ACTG2: variants seen among roughly 807,000 people sequenced by gnomAD.
ACTG2 encodes the protein actin, gamma-enteric smooth muscle.
A neutral mutation model predicts 37.6 loss-of-function variants in ACTG2; 16 were observed. The observed-to-expected ratio is 0.43, with a 90% CI of 0.29 to 0.65. The LOEUF (loss-of-function observed/expected upper bound fraction) is 0.65, where lower values mean the gene tolerates loss of function less well. Among genes scored for constraint, ACTG2 ranks in the 30% least tolerant of loss-of-function variants. ACTG2 has a pLI of 0.18. For missense variants in ACTG2, 238 were observed against 490.9 expected (o/e 0.48, Z 4.87); for synonymous variants, 181 against 179.9 (o/e 1.01, Z -0.05).
chr2:73,908,686 CCTT>C lies in ACTG2; in HGVS notation c.272_274del (p.Phe91del). ...TGTCTCCACTAGATCTGGCACCACTCCTTCTACAATGAGCTGCGTGTAGCACCT... is the reference window on the plus strand; with the variant it reads ...TGTCTCCACTAGATCTGGCACCACTCCTACAATGAGCTGCGTGTAGCACCT... On this transcript the variant is annotated inframe_deletion, in exon 4 of 9. Transcript: ENST00000345517. 1 of 1,606,970 alleles carries C rather than the reference CCTT, an allele frequency of 6.2e-7. No homozygotes were observed. The highest frequency in any genetic ancestry group is 8.5e-7 in the Non-Finnish European group (1 of 1,176,854).
chr2:73,902,962 A>C, intron 3 of ACTG2: 1 of 572,008 alleles, frequency 1.7e-6, no homozygotes, highest in Non-Finnish European at 3.0e-6. Flanking sequence ...AGAGAGGCAA[A>C]CAGCCATCTC....
Position 73,913,510 on chromosome 2 carries a change from C to T in ACTG2, c.477C>T (p.Gly159=), listed in dbSNP as rs751224190. Residue 159 remains glycine, a synonymous_variant, in exon 6 of 9, where the codon GGC becomes GGT. Transcript: ENST00000345517. The part of the protein sequence containing the change: ...TTGIVLDSGD[G]VTHNVPIYEG... ...GCATCGTCCTGGATTCAGGTGATGG[C>T]GTCACCCACAATGTCCCCATCTATG... 16 of 1,610,880 alleles carry T rather than the reference C, an allele frequency of 9.9e-6. No individual in the cohort carries two copies. Among genetic ancestry groups the T allele is most frequent in the East Asian group, 2.2e-5 (1 of 44,768 alleles).
At chr2:73,915,519 CAA>C (rs11404848) in intron 7 of ACTG2, among the ~76,000 whole-genome samples, 31 of 117,550 alleles carry the variant, frequency 2.6e-4, no homozygotes, top group African/African-American at 6.4e-4. Context: ...GATTCTGTCT[CAA>C]AAAAAAAAAA....
chr2:73,916,100 G>A (rs762130205), intron 7 of ACTG2, among the ~76,000 whole-genome samples: 21 of 152,072 alleles, frequency 1.4e-4, no homozygotes, highest in African/African-American at 2.9e-4. Context: ...AGATCAGGCC[G>A]GGTGTAATAC....
chr2:73,899,788 G>A (rs1458887737), intron 1 of ACTG2, among the ~76,000 whole-genome samples: 7 of 152,142 alleles, frequency 4.6e-5, no homozygotes. Context: ...CTTGTGGGCT[G>A]GTTTAGAGAG....
intron 6 of ACTG2, among the ~76,000 whole-genome samples, 170 bp downstream of exon 6, chr2:73,913,816 T>C (rs952871732): frequency 6.6e-6 from 1 of 152,208 alleles, no homozygotes; most frequent in African/African-American, 2.4e-5. Flanking sequence ...CAGATAGTCA[T>C]GGAAGCAGTC....
intron 1 of ACTG2, among the ~76,000 whole-genome samples, chr2:73,899,991 C>G (rs115501680): frequency 6.6e-6 from 1 of 152,212 alleles, no homozygotes; most frequent in Admixed American, 6.5e-5. Flanking sequence ...TCAGACCTCG[C>G]GTTCTCAGGC....
At position 73,918,269 on chromosome 2, in the gene ACTG2, G is replaced by A. The variant is rs75594390; in HGVS notation, c.988-1163G>A. ...AAGGACACAGAAGAACAGATTTGGG[G>A]TGGGGGTAGGGCTTATATTTAGGAC... On this transcript the variant is annotated intron_variant, in intron 8 of 8. Transcript: ENST00000345517. Among the ~76,000 whole-genome samples the A allele has an allele frequency of 1.6e-4, 24 of 152,258 alleles. No individual in the cohort carries two copies. In the East Asian group the frequency reaches 4.6e-3, roughly 29 times the overall value.
intron 3 of ACTG2, chr2:73,902,966 C>T: frequency 1.8e-6 from 1 of 559,000 alleles, no homozygotes; most frequent in South Asian, 2.2e-5. Context: ...AGGCAAACAG[C>T]CATCTCTCTC....
chr2:73,901,148 A>C (rs1271759467), intron 1 of ACTG2, 128 bp from the exon 2 acceptor site: 1 of 723,042 alleles, frequency 1.4e-6, no homozygotes, highest in South Asian at 2.8e-5. Context: ...GTGGGAGGCC[A>C]AGCCCATGCC....
intron 1 of ACTG2, among the ~76,000 whole-genome samples, chr2:73,895,169 G>A (rs1224002170): frequency 6.6e-6 from 1 of 152,048 alleles, no homozygotes; most frequent in Non-Finnish European, 1.5e-5. Flanking sequence ...GAGCAGTCCT[G>A]GAGGTGTGGA....
chr2:73,918,417 CTT>C (rs1384474205), intron 8 of ACTG2, among the ~76,000 whole-genome samples: 3 of 152,192 alleles, frequency 2.0e-5, no homozygotes, highest in African/African-American at 7.2e-5. Context: ...ATTTGTGTGA[CTT>C]TTGTCTGCCT....
At chr2:73,911,605 C>A (rs1358828212) in intron 5 of ACTG2, among the ~76,000 whole-genome samples, 2 of 152,248 alleles carry the variant, frequency 1.3e-5, no homozygotes, top group African/African-American at 4.8e-5. Context: ...TTTTATACAG[C>A]TGGCAGCACA....
intron 3 of ACTG2, chr2:73,902,827 G>C: frequency 1.3e-6 from 2 of 1,489,352 alleles, no homozygotes; most frequent in Non-Finnish European, 1.8e-6. Flanking sequence ...AACCAACAGG[G>C]GGTTCCTAAC....
chr2:73,904,976 T>G (rs2104811122), intron 3 of ACTG2, among the ~76,000 whole-genome samples: 1 of 151,702 alleles, frequency 6.6e-6, no homozygotes, highest in South Asian at 2.1e-4. Flanking sequence ...AAATGAATTT[T>G]TTTAATTATG....
At chr2:73,898,791 C>CTTT (rs1183989476) in intron 1 of ACTG2, among the ~76,000 whole-genome samples, 1 of 92,914 alleles carries the variant, frequency 1.1e-5, no homozygotes, top group Non-Finnish European at 2.5e-5. Flanking sequence ...TTTTTCTTTT[C>CTTT]TTTTTTTTTT....
chr2:73,906,465 A>AAATAAATAAAT (rs1553395537), intron 3 of ACTG2, among the ~76,000 whole-genome samples: 3,589 of 149,824 alleles, frequency 0.024, 153 homozygotes, highest in African/African-American at 0.082. Flanking sequence ...TAAAAAATAA[A>AAATAAATAAAT]AAATAAATAA....
chr2:73,898,791 CTTTTTTTTTTCTTT>C (rs1679808260), intron 1 of ACTG2, among the ~76,000 whole-genome samples: 1 of 92,914 alleles, frequency 1.1e-5, no homozygotes. Context: ...TTTTTCTTTT[CTTTTTTTTTTCTTT>C]TTTTTTTTTT....
At chr2:73,893,410 C>T (rs1679671137) in intron 1 of ACTG2, among the ~76,000 whole-genome samples, 1 of 152,196 alleles carries the variant, frequency 6.6e-6, no homozygotes, top group Non-Finnish European at 1.5e-5. Context: ...TTTAGGGGAT[C>T]ATATACTTTG....
Sources: gnomAD v4.1 joint callset for allele counts (sites outside exome capture counted in the v4.1 genomes callset) on GRCh38, gnomAD v4.1.1 for gene constraint, MANE v1.5 for transcripts, NCBI Gene and HGNC (gene_info 2026-07-23, HGNC 2026-07-21) for gene names.